PLIN3: variants seen among roughly 807,000 people sequenced by gnomAD.
PLIN3 encodes perilipin-3.
A neutral mutation model predicts 35.9 loss-of-function variants in PLIN3; 30 were observed. The observed-to-expected ratio is 0.84, with a 90% CI of 0.62 to 1.13. The LOEUF (loss-of-function observed/expected upper bound fraction) is 1.13. Ranked by LOEUF, PLIN3 falls within the 50% of genes most tolerant of loss-of-function variation. PLIN3 has a pLI of 0.00. For synonymous variants in PLIN3, 261 were observed against 262.5 expected (o/e 0.99, Z 0.06); for missense variants, 603 against 596.9 (o/e 1.01, Z -0.11).
At position 4,861,630 on chromosome 19, in the gene PLIN3, C is replaced by CT. The variant is rs940914509; in HGVS notation, c.-17-220dup. Among the ~76,000 whole-genome samples the CT allele has an allele frequency of 9.2e-3, 1,358 of 147,490 alleles. 20 individuals carry two copies. The highest frequency in any genetic ancestry group is 0.03 in the African/African-American group (1,205 of 40,476). ...ATGGGGCTCACCTGGCCCCCTATTTCTTTTTTTTTTTCTTTATTTTCTTTG... is the reference window on the plus strand; with the variant it reads ...ATGGGGCTCACCTGGCCCCCTATTTCTTTTTTTTTTTTCTTTATTTTCTTTG... On this transcript the variant is annotated intron_variant, in intron 1 of 7. Coordinates refer to ENST00000221957, the MANE Select transcript of PLIN3 (RefSeq NM_005817.5).
At position 4,860,019 on chromosome 19, in the gene PLIN3, A is replaced by G. The variant is rs771573686; in HGVS notation, c.72T>C (p.Ser24=). ...VTVEEPVQQP[S]VVDRVASMPL... is the part of the protein sequence containing the mutation. ...GCATGCTGGCCACACGGTCCACCAC[A>G]CTGGGCTACAGGAGAGAAGTGGCTC... Residue 24 remains serine, a synonymous_variant, in exon 3 of 8, where the codon AGT becomes AGC. Coordinates refer to ENST00000221957, the MANE Select transcript of PLIN3 (RefSeq NM_005817.5). 6.2e-7 allele frequency: 1 copy of G among 1,613,966 alleles called. No individual in the cohort carries two copies. The highest frequency in any genetic ancestry group is 1.1e-5 in the South Asian group (1 of 91,074).
At chr19:4,847,043 T>C (rs1051036215) in intron 6 of PLIN3, among the ~76,000 whole-genome samples, 2 of 151,492 alleles carry the variant, frequency 1.3e-5, no homozygotes, top group Non-Finnish European at 2.9e-5. Context: ...GTGCCTGCCA[T>C]TGTACCTGGC....
intron 1 of PLIN3, 44 bp from the exon 2 acceptor site, chr19:4,861,455 C>A: frequency 7.0e-7 from 1 of 1,435,750 alleles, no homozygotes. Context: ...CTGGCCCCAC[C>A]TTCCAGGAGA....
intron 7 of PLIN3, among the ~76,000 whole-genome samples, chr19:4,843,438 G>A (rs2029973911): frequency 6.6e-6 from 1 of 151,792 alleles, no homozygotes; most frequent in African/African-American, 2.4e-5. Context: ...AACCTGGGAG[G>A]CAGAGCTGGT....
chr19:4,860,169 C>G (rs979425446), intron 2 of PLIN3, 145 bp from the exon 3 acceptor site: 1 of 682,576 alleles, frequency 1.5e-6, no homozygotes, highest in Non-Finnish European at 2.6e-6. Flanking sequence ...GGCAGTTGCA[C>G]AAGCCAGGAA....
chr19:4,845,010 G>A (rs1273228535), intron 6 of PLIN3, among the ~76,000 whole-genome samples: 3 of 152,140 alleles, frequency 2.0e-5, no homozygotes, highest in Non-Finnish European at 4.4e-5. Context: ...TGCAAAGAAG[G>A]GCTGCACATC....
chr19:4,850,680 CG>C (rs34129562), intron 5 of PLIN3, among the ~76,000 whole-genome samples: 130,359 of 148,810 alleles, frequency 0.88, 57,166 homozygotes, highest in Admixed American at 0.92. Context: ...GTGATCCGCC[CG>C]GCCTTGGCCT....
At chr19:4,862,915 T>C (rs995673522) in intron 1 of PLIN3, among the ~76,000 whole-genome samples, 9 of 151,982 alleles carry the variant, frequency 5.9e-5, no homozygotes, top group Admixed American at 2.6e-4. Flanking sequence ...TCCCAGCACT[T>C]TGGGAGGCCG....
At position 4,859,908 on chromosome 19, in the gene PLIN3, G is replaced by C; in HGVS notation, c.183C>G (p.Asp61Glu). 6.2e-7 allele frequency: 1 copy of C among 1,613,966 alleles called. No individual in the cohort carries two copies. Among genetic ancestry groups the C allele is most frequent in the Non-Finnish European group, 8.5e-7 (1 of 1,180,006 alleles). The change falls in exon 3 of 8, where the codon GAC becomes GAG. Residue 61 changes from aspartate to glutamate, a missense_variant. Physicochemically the swap from Asp to Glu is conservative, Grantham distance 45. Coordinates refer to ENST00000221957, the MANE Select transcript of PLIN3 (RefSeq NM_005817.5). ...ESYPHIKTVC[D>E]AAEKGVRTLT... Reference sequence around the variant, plus strand: ...GGGTCCTCACTCCCTTCTCTGCTGCGTCGCAGACAGTCTTGATGTGCGGGT... The same window carrying C: ...GGGTCCTCACTCCCTTCTCTGCTGCCTCGCAGACAGTCTTGATGTGCGGGT...
chr19:4,845,882 T>C (rs1383189766), intron 6 of PLIN3, among the ~76,000 whole-genome samples: 7 of 129,762 alleles, frequency 5.4e-5, no homozygotes, highest in Non-Finnish European at 7.9e-5. Context: ...AGAGACTGCA[T>C]GCCACTGCAC....
intron 5 of PLIN3, among the ~76,000 whole-genome samples, chr19:4,850,587 ATTTTTTTTTTTTTTTT>A (rs71170860): frequency 3.2e-5 from 4 of 124,640 alleles, no homozygotes; most frequent in African/African-American, 1.3e-4. Context: ...CGCCCGGCTA[ATTTTTTTTTTTTTTTT>A]TTTTTTTTTT....
chr19:4,846,625 G>T (rs1161518909), intron 6 of PLIN3, among the ~76,000 whole-genome samples: 1 of 151,752 alleles, frequency 6.6e-6, no homozygotes, highest in African/African-American at 2.4e-5. Context: ...CTTGAACCCG[G>T]GAAGTGGAGG....
chr19:4,839,457 C>T lies in PLIN3; in HGVS notation c.1040G>A (p.Ser347Asn). 6.3e-7 allele frequency: 1 copy of T among 1,586,880 alleles called. No individual in the cohort carries two copies. The highest frequency in any genetic ancestry group is 8.6e-7 in the Non-Finnish European group (1 of 1,162,140). ...CACATTGGTGGGGAGGCCCTGAATG[C>T]TGGACCCCAGGGAGGTACAGGTGGC... ...LQATCTSLGS[S>N]IQGLPTNVKD... The change falls in exon 8 of 8, where the codon AGC becomes AAC. Residue 347 changes from serine to asparagine, a missense_variant. Transcript: ENST00000221957.
At chr19:4,866,260 C>A (rs972225865) in intron 1 of PLIN3, among the ~76,000 whole-genome samples, 1 of 152,072 alleles carries the variant, frequency 6.6e-6, no homozygotes, top group African/African-American at 2.4e-5. Flanking sequence ...TCAAATGATC[C>A]GCCCACCTCA....
intron 4 of PLIN3, among the ~76,000 whole-genome samples, chr19:4,858,270 C>CAAA (rs1188330437): frequency 0.07 from 3,535 of 50,668 alleles, 268 homozygotes; most frequent in Non-Finnish European, 0.093. Flanking sequence ...GACCCCGTCT[C>CAAA]AAAAAAAAAA....
At position 4,839,409 on chromosome 19, in the gene PLIN3, C is replaced by A. The variant is rs763568905; in HGVS notation, c.1088G>T (p.Arg363Leu). Residue 363 changes from arginine to leucine, a missense_variant, in exon 8 of 8, where the codon CGC (arginine) becomes CTC (leucine). Transcript: ENST00000221957. ...GGCCTGGAGGTCCTCCACCTGGCGG[C>A]GGGCCTGCTGCACCTGGTCCTTCAC... ...TNVKDQVQQARRQVEDLQATF... is the reference protein window; with the variant it reads ...TNVKDQVQQALRQVEDLQATF... 1.2e-6 allele frequency: 2 copies of A among 1,609,618 alleles called. No homozygotes were observed. Among genetic ancestry groups the A allele is most frequent in the East Asian group, 4.5e-5 (2 of 44,746 alleles).
At chr19:4,855,048 G>C (rs950758806) in intron 4 of PLIN3, among the ~76,000 whole-genome samples, 2 of 151,696 alleles carry the variant, frequency 1.3e-5, no homozygotes, top group Admixed American at 1.3e-4. Context: ...TCAGGAGTTC[G>C]AGACCAGCCT....
Position 4,847,673 on chromosome 19 carries a change from G to A in PLIN3, c.834+18C>T, listed in dbSNP as rs770583967. Reference sequence around the variant, plus strand: ...GTGAAGGCTGCTGGCTCAGGGCCCCGACCCCCTGGAACCTCACCAGGCTTA... The same window carrying A: ...GTGAAGGCTGCTGGCTCAGGGCCCCAACCCCCTGGAACCTCACCAGGCTTA... On this transcript the variant is annotated intron_variant, in intron 6 of 7. Transcript: ENST00000221957. 2.0e-5 allele frequency: 31 copies of A among 1,574,744 alleles called. No individual in the cohort carries two copies. The highest frequency in any genetic ancestry group is 2.1e-4 in the Middle Eastern group (1 of 4,688).
rs1451460487 is a variant in PLIN3 at position 4,863,647 on chromosome 19, C to T, written c.-17-2236G>A. Among the ~76,000 whole-genome samples the T allele has an allele frequency of 1.2e-4, 18 of 151,760 alleles. No individual in the cohort carries two copies. The East Asian group carries it at 3.1e-3, about 26-fold the overall frequency. On this transcript the variant is annotated intron_variant, in intron 1 of 7. Coordinates refer to ENST00000221957, the MANE Select transcript of PLIN3 (RefSeq NM_005817.5). ...CAGCCTGGCCAACATGGCAAAACCC[C>T]GTCTCTACTAAAAATACAAAAATTA...
Sources: gnomAD v4.1 joint callset for allele counts (sites outside exome capture counted in the v4.1 genomes callset) on GRCh38, gnomAD v4.1.1 for gene constraint, MANE v1.5 for transcripts, NCBI Gene and HGNC (gene_info 2026-07-23, HGNC 2026-07-21) for gene names.